The following ZMAT4 variants were observed in gnomAD, a reference collection of about 807,000 sequenced individuals.
The protein encoded by ZMAT4 is zinc finger matrin-type protein 4.
In ZMAT4, 17 loss-of-function variants were observed where a neutral mutation model predicts 28.7. That is an observed-to-expected ratio of 0.59 (90% CI 0.41 to 0.89). The LOEUF (loss-of-function observed/expected upper bound fraction) is 0.89, where lower values mean the gene tolerates loss of function less well. ZMAT4 is among the 40% of genes least tolerant of loss of function. ZMAT4 has a pLI of 0.00. For missense variants in ZMAT4, 240 were observed against 283.8 expected, an observed-to-expected ratio of 0.85 and a Z score of 1.11; for synonymous variants, 117 against 109.2, an observed-to-expected ratio of 1.07 and a Z score of -0.44.
At chr8:40,700,247 A>T (rs999767826) in intron 3 of ZMAT4, among the ~76,000 whole-genome samples, 2 of 106,638 alleles carry the variant, frequency 1.9e-5, no homozygotes, top group South Asian at 6.6e-4. Context: ...TTGTAAGATT[A>T]AAAAAAAAAC....
intron 1 of ZMAT4, among the ~76,000 whole-genome samples, chr8:40,881,491 GAA>G (rs1563263542): frequency 9.9e-5 from 13 of 131,626 alleles, no homozygotes; most frequent in African/African-American, 3.2e-4. Flanking sequence ...AAGAAAGAAA[GAA>G]AGAAAGAGGA....
At chr8:40,810,158 T>C (rs1022261725) in intron 2 of ZMAT4, among the ~76,000 whole-genome samples, 51 of 152,202 alleles carry the variant, frequency 3.4e-4, no homozygotes, top group African/African-American at 1.2e-3. Flanking sequence ...TGTGTGTGTA[T>C]GTATATATTC....
At chr8:40,822,306 G>C (rs552890447) in intron 2 of ZMAT4, among the ~76,000 whole-genome samples, 1 of 152,272 alleles carries the variant, frequency 6.6e-6, no homozygotes, top group Admixed American at 6.5e-5. Flanking sequence ...TAATATTGCT[G>C]GATATACAGA....
At chr8:40,738,743 G>A (rs1811879222) in intron 3 of ZMAT4, among the ~76,000 whole-genome samples, 1 of 152,164 alleles carries the variant, frequency 6.6e-6, no homozygotes, top group African/African-American at 2.4e-5. Flanking sequence ...ATAAAAGGCT[G>A]TGGCCCCTGT....
chr8:40,705,124 A>G (rs1810298479), intron 3 of ZMAT4, among the ~76,000 whole-genome samples: 1 of 152,220 alleles, frequency 6.6e-6, no homozygotes, highest in Admixed American at 6.5e-5. Flanking sequence ...ATTTCTACTG[A>G]AGAGAGTTGA....
chr8:40,696,763 C>T (rs1431229758), intron 4 of ZMAT4, among the ~76,000 whole-genome samples: 1 of 152,070 alleles, frequency 6.6e-6, no homozygotes, highest in Non-Finnish European at 1.5e-5. Flanking sequence ...TCTTGGCACA[C>T]TAAAGTACTT....
In ZMAT4 at chr8:40,790,546, T is replaced by C. The variant is rs138999316; in HGVS notation, c.103-22816A>G. 7.2e-5 allele frequency among the ~76,000 whole-genome samples: 11 copies of C among 152,268 alleles called. No individual in the cohort carries two copies. The East Asian group carries it at 1.9e-3, about 27-fold the overall frequency. Reference sequence around the variant, plus strand: ...TGTTTAAATACCATTTATAATACTATCAGAAATATGAAATATTTGGGGATA... The same window carrying C: ...TGTTTAAATACCATTTATAATACTACCAGAAATATGAAATATTTGGGGATA... On this transcript the variant is annotated intron_variant, in intron 2 of 6. Transcript: ENST00000297737.
intron 5 of ZMAT4, among the ~76,000 whole-genome samples, chr8:40,655,429 T>C (rs1807871975): frequency 6.6e-6 from 1 of 151,900 alleles, no homozygotes. Context: ...CTAGCTGCCT[T>C]TTTGGAGAAA....
intron 1 of ZMAT4, among the ~76,000 whole-genome samples, chr8:40,848,618 C>T (rs1290183557): frequency 6.6e-6 from 1 of 152,070 alleles, no homozygotes; most frequent in Admixed American, 6.6e-5. Context: ...ATCTCCAAGC[C>T]TCAGTTGACT....
chr8:40,733,043 C>G (rs901499091), intron 3 of ZMAT4, among the ~76,000 whole-genome samples: 1 of 151,776 alleles, frequency 6.6e-6, no homozygotes, highest in African/African-American at 2.4e-5. Flanking sequence ...AGAGGTCTTG[C>G]TATGTTGCCC....
intron 5 of ZMAT4, among the ~76,000 whole-genome samples, chr8:40,593,590 C>T (rs1804965500): frequency 6.6e-6 from 1 of 152,192 alleles, no homozygotes; most frequent in Non-Finnish European, 1.5e-5. Context: ...CCTAATGTGT[C>T]TTCACCAACC....
chr8:40,734,438 C>A (rs920153034), intron 3 of ZMAT4, among the ~76,000 whole-genome samples: 1 of 152,176 alleles, frequency 6.6e-6, no homozygotes, highest in Non-Finnish European at 1.5e-5. Context: ...TAAAAGAAAA[C>A]AAAGTCTGGA....
intron 5 of ZMAT4, among the ~76,000 whole-genome samples, chr8:40,630,329 C>T (rs1409806015): frequency 6.6e-6 from 1 of 152,186 alleles, no homozygotes; most frequent in Non-Finnish European, 1.5e-5. Flanking sequence ...AAACACATTT[C>T]CCAGCAGGCT....
At chr8:40,619,027 G>C (rs1806111963) in intron 5 of ZMAT4, among the ~76,000 whole-genome samples, 1 of 152,222 alleles carries the variant, frequency 6.6e-6, no homozygotes, top group Non-Finnish European at 1.5e-5. Flanking sequence ...ATGTTTTGGA[G>C]TAGTCCCACC....
chr8:40,695,859 TCTC>T (rs1015718996), intron 4 of ZMAT4, among the ~76,000 whole-genome samples: 1 of 141,164 alleles, frequency 7.1e-6, no homozygotes, highest in African/African-American at 2.6e-5. Context: ...ACACACACCT[TCTC>T]CTCTTCCATC....
At chr8:40,606,644 T>C (rs556436561) in intron 5 of ZMAT4, among the ~76,000 whole-genome samples, 1 of 152,250 alleles carries the variant, frequency 6.6e-6, no homozygotes. Context: ...GATAACCTGA[T>C]GACTATGTGC....
chr8:40,882,455 G>C (rs1818313626), intron 1 of ZMAT4, among the ~76,000 whole-genome samples: 1 of 152,092 alleles, frequency 6.6e-6, no homozygotes, highest in African/African-American at 2.4e-5. Flanking sequence ...GGAAGTGCTG[G>C]AGCTGTGAAA....
At chr8:40,836,533 A>G (rs555146932) in intron 1 of ZMAT4, among the ~76,000 whole-genome samples, 12 of 152,346 alleles carry the variant, frequency 7.9e-5, no homozygotes, top group African/African-American at 2.9e-4. Context: ...GGATGAATAA[A>G]CTGAGGTACA....
intron 5 of ZMAT4, among the ~76,000 whole-genome samples, chr8:40,647,845 C>T (rs547264083): frequency 6.6e-6 from 1 of 152,296 alleles, no homozygotes; most frequent in South Asian, 2.1e-4. Flanking sequence ...GGTATTCCAA[C>T]AGACCTGCAG....
Sources: gnomAD v4.1 joint callset for allele counts (sites outside exome capture counted in the v4.1 genomes callset) on GRCh38, gnomAD v4.1.1 for gene constraint, MANE v1.5 for transcripts, NCBI Gene and HGNC (gene_info 2026-07-23, HGNC 2026-07-21) for gene names.